The following MYO5A variants were observed in gnomAD, a reference collection of about 807,000 sequenced individuals.
MYO5A encodes the protein myosin VA.
Under a neutral mutation model 249.7 loss-of-function variants are expected in MYO5A, and 98 were observed. The ratio of observed to expected loss-of-function variants is 0.39; its 90% CI spans 0.33 to 0.46. MYO5A has a LOEUF of 0.46. Ranked by LOEUF, MYO5A falls within the 20% of genes least tolerant of loss-of-function variation. The probability of loss-of-function intolerance (pLI) is 0.98; values close to 1 mark genes in which losing one functional copy is unlikely to be tolerated. For synonymous variants in MYO5A, 778 were observed against 810.6 expected, an observed-to-expected ratio of 0.96 and a Z score of 0.68; for missense variants, 1,696 against 2,308.8, an observed-to-expected ratio of 0.73 and a Z score of 5.44.
rs75885375 is a variant in MYO5A at position 52,464,799 on chromosome 15, C to T, written c.28-31514G>A. Reference sequence around the variant, plus strand: ...ATGAATGACCAGATGTTTCCAACACCCTAGTTCTAATCAGCAGTCTTTTAA... The same window carrying T: ...ATGAATGACCAGATGTTTCCAACACTCTAGTTCTAATCAGCAGTCTTTTAA... On this transcript the variant is annotated intron_variant, in intron 1 of 41. Transcript: ENST00000399233. Among the ~76,000 whole-genome samples the T allele has an allele frequency of 7.7e-3, 1,178 of 152,212 alleles. 16 individuals are homozygous for T. The highest frequency in any genetic ancestry group is 0.027 in the African/African-American group (1,138 of 41,518).
chr15:52,500,404 T>C (rs577638226), intron 1 of MYO5A, among the ~76,000 whole-genome samples: 1 of 148,932 alleles, frequency 6.7e-6, no homozygotes, highest in Admixed American at 6.8e-5. Flanking sequence ...TGGAGTGCAA[T>C]AGCACGATCT....
chr15:52,528,196 G>A (rs2077760185), intron 1 of MYO5A, among the ~76,000 whole-genome samples: 2 of 152,184 alleles, frequency 1.3e-5, no homozygotes, highest in South Asian at 4.1e-4. Flanking sequence ...CTCCCAGCCG[G>A]TGAATCAGCT....
chr15:52,376,658 A>G, intron 18 of MYO5A, 100 bp from the exon 19 acceptor site: 1 of 1,155,798 alleles, frequency 8.7e-7, no homozygotes, highest in Non-Finnish European at 1.3e-6. Flanking sequence ...GAATGACTCT[A>G]TTAGCTAAAA....
intron 25 of MYO5A, among the ~76,000 whole-genome samples, chr15:52,358,694 T>C (rs1484575647): frequency 2.6e-5 from 4 of 151,948 alleles, no homozygotes; most frequent in African/African-American, 9.7e-5. Flanking sequence ...CTCTACAGAA[T>C]GCAGCTACAT....
At chr15:52,477,067 T>C (rs547326858) in intron 1 of MYO5A, among the ~76,000 whole-genome samples, 1 of 152,368 alleles carries the variant, frequency 6.6e-6, no homozygotes, top group East Asian at 1.9e-4. Context: ...CATAGTCCCA[T>C]ATTTCTTGGA....
chr15:52,438,979 C>G (rs949132532), intron 1 of MYO5A, among the ~76,000 whole-genome samples: 1 of 152,258 alleles, frequency 6.6e-6, no homozygotes, highest in Non-Finnish European at 1.5e-5. Flanking sequence ...CCCGATAGGG[C>G]TACAGGCTTG....
chr15:52,456,269 C>G (rs1382186034), intron 1 of MYO5A, among the ~76,000 whole-genome samples: 1 of 151,968 alleles, frequency 6.6e-6, no homozygotes, highest in Non-Finnish European at 1.5e-5. Context: ...AGTAAAACAT[C>G]TATACAACCA....
At chr15:52,464,514 G>A (rs1333360654) in intron 1 of MYO5A, among the ~76,000 whole-genome samples, 1 of 152,176 alleles carries the variant, frequency 6.6e-6, no homozygotes, top group Non-Finnish European at 1.5e-5. Flanking sequence ...GATTGTTTTG[G>A]TTATGTGGGA....
intron 1 of MYO5A, among the ~76,000 whole-genome samples, chr15:52,450,839 T>G (rs1391963813): frequency 8.2e-6 from 1 of 121,888 alleles, no homozygotes; most frequent in Non-Finnish European, 1.6e-5. Flanking sequence ...ATTGCACTAC[T>G]GTGGTTTTTT....
At chr15:52,528,918 G>T, upstream of MYO5A, 1 of 991,680 alleles carries the variant, frequency 1.0e-6, no homozygotes, top group South Asian at 4.8e-5. Flanking sequence ...AGCAGGGCAG[G>T]GCAGGGCCGG....
At chr15:52,521,039 C>A (rs2077607581) in intron 1 of MYO5A, among the ~76,000 whole-genome samples, 1 of 152,050 alleles carries the variant, frequency 6.6e-6, no homozygotes, top group Non-Finnish European at 1.5e-5. Context: ...ACCCGCCTGG[C>A]CAGTACTGTG....
At position 52,319,389 on chromosome 15, in the gene MYO5A, C is replaced by T. The variant is rs745681786; in HGVS notation, c.4952-47G>A. ...TAGAGGAGATGATGTGGAAGGGAACCTTTCATGTGCACATATCCATGTGCA... is the reference window on the plus strand; with the variant it reads ...TAGAGGAGATGATGTGGAAGGGAACTTTTCATGTGCACATATCCATGTGCA... On this transcript the variant is annotated intron_variant, in intron 38 of 41. Transcript: ENST00000399233. 7.0e-6 allele frequency: 11 copies of T among 1,582,580 alleles called. No homozygotes were observed. The Admixed American group carries it at 1.7e-4, about 24-fold the overall frequency.
At chr15:52,438,834 C>A (rs1012088500) in intron 1 of MYO5A, among the ~76,000 whole-genome samples, 1 of 152,222 alleles carries the variant, frequency 6.6e-6, no homozygotes, top group African/African-American at 2.4e-5. Flanking sequence ...GTGTTTGTTA[C>A]GGCTCGAGCT....
At chr15:52,418,004 T>C (rs2043593925) in intron 4 of MYO5A, among the ~76,000 whole-genome samples, 1 of 152,110 alleles carries the variant, frequency 6.6e-6, no homozygotes, top group African/African-American at 2.4e-5. Context: ...TCAGGGAAGA[T>C]TCCCTAGAGA....
intron 6 of MYO5A, among the ~76,000 whole-genome samples, chr15:52,409,360 A>C (rs2043148038): frequency 6.6e-6 from 1 of 152,212 alleles, no homozygotes; most frequent in Non-Finnish European, 1.5e-5. Flanking sequence ...TTTTCAAAAA[A>C]AACCTATAGA....
intron 1 of MYO5A, among the ~76,000 whole-genome samples, chr15:52,461,883 C>T (rs774359626): frequency 1.3e-5 from 2 of 150,796 alleles, no homozygotes; most frequent in Non-Finnish European, 3.0e-5. Context: ...ATTGCTTGAA[C>T]CTGGAAGGCA....
At chr15:52,508,015 A>G (rs542480499) in intron 1 of MYO5A, among the ~76,000 whole-genome samples, 3 of 152,146 alleles carry the variant, frequency 2.0e-5, no homozygotes, top group Non-Finnish European at 4.4e-5. Context: ...CCTATCAGGA[A>G]AGTACATTCA....
At position 52,319,308 on chromosome 15, in the gene MYO5A, G is replaced by C. The variant is rs770226703; in HGVS notation, c.4986C>G (p.Gly1662=). Residue 1662 remains glycine, a synonymous_variant, in exon 39 of 42, where the codon GGC becomes GGG. Coordinates refer to ENST00000399233, the MANE Select transcript of MYO5A (RefSeq NM_001382347.1). The stretch of plus-strand genomic sequence containing the variant: ...ACCCTGTGGGCTTCACCCCAGACAC[G>C]CCCTGAATCGTTTCATGTTCCAGCA... ...SGMLEHETIQ[G]VSGVKPTGLR... The C allele has an allele frequency of 1.2e-6, 2 of 1,614,042 alleles. No individual in the cohort carries two copies. The highest frequency in any genetic ancestry group is 1.7e-6 in the Non-Finnish European group (2 of 1,180,018).
At chr15:52,374,628 A>C (rs562794417) in intron 20 of MYO5A, among the ~76,000 whole-genome samples, 36 of 152,352 alleles carry the variant, frequency 2.4e-4, no homozygotes, top group Middle Eastern at 3.4e-3. Context: ...AATGCTGTGA[A>C]AACAGAGGCT....
Sources: allele counts gnomAD v4.1 joint callset (sites outside exome capture counted in the v4.1 genomes callset), GRCh38; gene constraint gnomAD v4.1.1; transcripts MANE v1.5; gene names NCBI Gene and HGNC (gene_info 2026-07-23, HGNC 2026-07-21).